Variants in CLPB observed in about 807,000 individuals in gnomAD.
CLPB encodes ClpB family mitochondrial disaggregase, also known as mitochondrial disaggregase.
CLPB carries 40 observed loss-of-function variants against 78.4 expected under a neutral mutation model. That is an observed-to-expected ratio of 0.51 (90% CI 0.40 to 0.66). The LOEUF (loss-of-function observed/expected upper bound fraction) is 0.66, where lower values mean the gene tolerates loss of function less well. Among genes scored for constraint, CLPB ranks in the 30% least tolerant of loss-of-function variants. The pLI, the probability that CLPB is intolerant of heterozygous loss-of-function variation, is 0.00. For missense variants in CLPB, 780 were observed against 886.9 expected, an observed-to-expected ratio of 0.88 and a Z score of 1.53; for synonymous variants, 333 against 348.0, an observed-to-expected ratio of 0.96 and a Z score of 0.48.
intron 2 of CLPB, among the ~76,000 whole-genome samples, chr11:72,413,301 AC>A (rs1214037647): frequency 6.6e-6 from 1 of 152,010 alleles, no homozygotes; most frequent in African/African-American, 2.4e-5. Flanking sequence ...AAAAAAAAAA[AC>A]AAAGACAAAA....
chr11:72,369,814 C>T (rs1951010253), intron 4 of CLPB, among the ~76,000 whole-genome samples: 1 of 152,062 alleles, frequency 6.6e-6, no homozygotes, highest in Non-Finnish European at 1.5e-5. Flanking sequence ...TATTTATTTT[C>T]CTTTATTTCC....
At position 72,293,600 on chromosome 11, in the gene CLPB, C is replaced by T; in HGVS notation, c.1801G>A (p.Val601Met). The T allele has an allele frequency of 1.2e-6, 2 of 1,612,046 alleles. No individual in the cohort carries two copies. Among genetic ancestry groups the T allele is most frequent in the South Asian group, 1.1e-5 (1 of 90,994 alleles). Residue 601 changes from valine to methionine, a missense_variant, in exon 16 of 16, where the codon GTG (valine) becomes ATG (methionine). Val to Met is a conservative substitution (Grantham distance 21). This residue lies in a region of CLPB where 272 missense variants were observed against 304.0 expected (regional missense o/e 0.89). Coordinates refer to ENST00000538039, the MANE Select transcript of CLPB (RefSeq NM_001258392.3). ...SIKHEVERRV[V>M]NQLAAAYEQD... ...TCATAGGCTGCTGCCAGCTGGTTCA[C>T]CACACGGCGTTCTACCTGTCGGTGG...
At position 72,408,157 on chromosome 11, in the gene CLPB, C is replaced by T. The variant is rs771874432; in HGVS notation, c.456-5105G>A. On this transcript the variant is annotated intron_variant, in intron 2 of 15. Transcript: ENST00000538039. ...TCTTCAGTGAGACTCCAGCATTCAG[C>T]CCTGCCCAGCTTCTTGACTGAGCAT... 15 of 1,535,490 alleles carry T rather than the reference C, an allele frequency of 9.8e-6. No individual in the cohort carries two copies. In the South Asian group the frequency reaches 1.7e-4, roughly 17 times the overall value.
In CLPB at chr11:72,292,379, G is replaced by C. The variant is rs1949466233; in HGVS notation, c.*988C>G. On this transcript the variant is annotated 3_prime_UTR_variant, in exon 16 of 16. Coordinates refer to ENST00000538039, the MANE Select transcript of CLPB (RefSeq NM_001258392.3). ...TGGCTAAGGTGGGCTTGAAACATTG[G>C]CTGGTCTGTGAAATGCCCTTGGGGG... 1 of 152,218 alleles carries C rather than the reference G, an allele frequency of 6.6e-6. No individual in the cohort carries two copies. The highest frequency in any genetic ancestry group is 2.1e-4 in the South Asian group (1 of 4,830). The allele number at this position is 152,218 out of a possible 1,614,324, so 9.4% of individuals were successfully genotyped here. A position where few individuals can be genotyped will look rare whatever the true frequency, so the allele number is the denominator to read the frequency against.
intron 2 of CLPB, among the ~76,000 whole-genome samples, chr11:72,417,652 T>G (rs753769289): frequency 3.9e-5 from 6 of 152,224 alleles, no homozygotes; most frequent in Non-Finnish European, 5.9e-5. Context: ...AGTCAGAATC[T>G]GCCTATTCTT....
chr11:72,419,243 A>G (rs981669094), intron 2 of CLPB, among the ~76,000 whole-genome samples: 7 of 152,136 alleles, frequency 4.6e-5, no homozygotes, highest in Non-Finnish European at 1.0e-4. Context: ...TATGATTTTG[A>G]TTAAGCTGGG....
intron 9 of CLPB, among the ~76,000 whole-genome samples, chr11:72,306,072 G>T (rs1330074764): frequency 2.0e-5 from 3 of 152,186 alleles, no homozygotes; most frequent in African/African-American, 2.4e-5. Context: ...ATGCTATCTC[G>T]GTCGGAGCGC....
At chr11:72,335,527 A>G (rs908542358) in intron 5 of CLPB, among the ~76,000 whole-genome samples, 1 of 152,048 alleles carries the variant, frequency 6.6e-6, no homozygotes, top group African/African-American at 2.4e-5. Context: ...CCCCACTTCC[A>G]TCTTGGTTCT....
rs1249057154 is a variant in CLPB, at chr11:72,292,999, T to C, written c.*368A>G. The stretch of plus-strand genomic sequence containing the variant: ...CCTGTCTTCTTCCAGCCAGCTGTGT[T>C]CTTAGCTGCCATACTTCTGAGCTTC... On this transcript the variant is annotated 3_prime_UTR_variant, in exon 16 of 16. Transcript: ENST00000538039. 9.6e-6 allele frequency: 2 copies of C among 208,148 alleles called. No individual in the cohort carries two copies. Among genetic ancestry groups the C allele is most frequent in the East Asian group, 1.1e-4 (1 of 9,194 alleles). The allele number at this position is 208,148 out of a possible 1,614,324, so 12.9% of individuals were successfully genotyped here. A position where few individuals can be genotyped will look rare whatever the true frequency, so the allele number is the denominator to read the frequency against.
chr11:72,407,398 C>T (rs7947482), intron 2 of CLPB, among the ~76,000 whole-genome samples: 15,334 of 152,214 alleles, frequency 0.1, 1,344 homozygotes, highest in African/African-American at 0.24. Context: ...ATTGTTTTAT[C>T]TTGCATGTCT....
intron 4 of CLPB, among the ~76,000 whole-genome samples, chr11:72,378,177 A>G (rs1283215303): frequency 6.6e-6 from 1 of 152,234 alleles, no homozygotes; most frequent in Non-Finnish European, 1.5e-5. Flanking sequence ...TAGAATCCTG[A>G]CAGCAGAAGA....
intron 9 of CLPB, among the ~76,000 whole-genome samples, chr11:72,306,429 T>C (rs975660500): frequency 1.2e-4 from 19 of 152,222 alleles, no homozygotes; most frequent in African/African-American, 4.3e-4. Context: ...CCCTGGATGC[T>C]GGGAAGGCTG....
intron 5 of CLPB, among the ~76,000 whole-genome samples, chr11:72,345,079 T>C (rs1950487851): frequency 1.3e-5 from 2 of 152,206 alleles, no homozygotes; most frequent in South Asian, 2.1e-4. Context: ...ACGATGCTAA[T>C]GGAAGTGTAA....
chr11:72,420,554 C>T (rs1307124359), intron 2 of CLPB, among the ~76,000 whole-genome samples: 1 of 151,962 alleles, frequency 6.6e-6, no homozygotes. Flanking sequence ...TATTTACATG[C>T]ACAGTGATGA....
intron 2 of CLPB, among the ~76,000 whole-genome samples, chr11:72,414,905 G>A (rs901275398): frequency 6.6e-6 from 1 of 152,172 alleles, no homozygotes; most frequent in Non-Finnish European, 1.5e-5. Context: ...GTCTTACAGA[G>A]GGTAAATGAC....
At chr11:72,418,385 C>G (rs982485199) in intron 2 of CLPB, among the ~76,000 whole-genome samples, 1 of 152,178 alleles carries the variant, frequency 6.6e-6, no homozygotes, top group Admixed American at 6.6e-5. Context: ...AAACATGACA[C>G]AGCAATGGTG....
chr11:72,346,533 C>A (rs1395357754), intron 5 of CLPB, among the ~76,000 whole-genome samples: 1 of 149,674 alleles, frequency 6.7e-6, no homozygotes, highest in Non-Finnish European at 1.5e-5. Flanking sequence ...AAGGTAGATA[C>A]GAGATGAGCC....
chr11:72,398,902 T>A (rs1393995887), intron 3 of CLPB, among the ~76,000 whole-genome samples: 3 of 152,212 alleles, frequency 2.0e-5, no homozygotes, highest in Admixed American at 6.5e-5. Context: ...GGCCATCACA[T>A]TACTCAAGTC....
chr11:72,316,612 T>C (rs1448916809), intron 7 of CLPB, among the ~76,000 whole-genome samples: 1 of 152,190 alleles, frequency 6.6e-6, no homozygotes, highest in Non-Finnish European at 1.5e-5. Flanking sequence ...CACTCAAAAG[T>C]TGCTCAGGAT....
Sources: gnomAD v4.1 joint callset for allele counts (sites outside exome capture counted in the v4.1 genomes callset) on GRCh38, gnomAD v4.1.1 for gene constraint, gnomAD v4.1.1 regional missense constraint, MANE v1.5 for transcripts, NCBI Gene and HGNC (gene_info 2026-07-23, HGNC 2026-07-21) for gene names.